The following LCLAT1 variants were observed in gnomAD, a reference collection of about 807,000 sequenced individuals.
LCLAT1 encodes lysocardiolipin acyltransferase 1.
In LCLAT1, 11 loss-of-function variants were observed where a neutral mutation model predicts 30.7. That is an observed-to-expected ratio of 0.36 (90% CI 0.23 to 0.59). The LOEUF is 0.59. Among genes scored for constraint, LCLAT1 ranks in the 20% least tolerant of loss-of-function variants. The pLI is 0.77. For synonymous variants in LCLAT1, 155 were observed against 151.3 expected (o/e 1.02, Z -0.18); for missense variants, 402 against 458.6 (o/e 0.88, Z 1.13).
chr2:30,513,428 G>A (rs1347969879), intron 1 of LCLAT1, among the ~76,000 whole-genome samples: 1 of 152,124 alleles, frequency 6.6e-6, no homozygotes, highest in East Asian at 1.9e-4. Flanking sequence ...TGCAAGAAGT[G>A]CAACTTTAGT....
intron 1 of LCLAT1, among the ~76,000 whole-genome samples, chr2:30,508,813 G>C (rs74546270): frequency 6.6e-6 from 1 of 151,930 alleles, no homozygotes; most frequent in East Asian, 1.9e-4. Flanking sequence ...GAATGTCATT[G>C]GTTGTTTAAT....
At position 30,557,283 on chromosome 2, in the gene LCLAT1, CGTGTGTGTGTGT is replaced by C. The variant is rs373793652; in HGVS notation, c.365-4830_365-4819del. Among the ~76,000 whole-genome samples the C allele has an allele frequency of 5.4e-4, 75 of 138,644 alleles. 1 individual carries two copies. Among genetic ancestry groups the C allele is most frequent in the East Asian group, 4.0e-3 (19 of 4,778 alleles). 91.0% of individuals were successfully genotyped at this position (138,644 alleles called of 152,430 possible). A position where few individuals can be genotyped will look rare whatever the true frequency, so the allele number is the denominator to read the frequency against. ...TGTAGGACAGTGTAGAAGGTATGAT[CGTGTGTGTGTGT>C]GTGTGTGTGTGTGTGTGTGTGTGTG... On this transcript the variant is annotated intron_variant, in intron 3 of 5. Transcript: ENST00000379509.
At chr2:30,553,643 G>A (rs189156680) in intron 3 of LCLAT1, among the ~76,000 whole-genome samples, 1 of 151,582 alleles carries the variant, frequency 6.6e-6, no homozygotes, top group Non-Finnish European at 1.5e-5. Flanking sequence ...GTGAAACCCC[G>A]TCTCTACTAA....
chr2:30,487,160 A>C (rs950919239), intron 1 of LCLAT1, among the ~76,000 whole-genome samples: 15 of 152,208 alleles, frequency 9.9e-5, no homozygotes, highest in Admixed American at 2.0e-4. Context: ...CTTTGGAAGA[A>C]AGTGACTTTG....
intron 3 of LCLAT1, among the ~76,000 whole-genome samples, chr2:30,542,762 G>C (rs1323812386): frequency 6.6e-6 from 1 of 151,916 alleles, no homozygotes. Context: ...ATGCTATTTT[G>C]GAGTTGTTTT....
At chr2:30,545,270 A>G (rs1162594475) in intron 3 of LCLAT1, among the ~76,000 whole-genome samples, 5 of 152,186 alleles carry the variant, frequency 3.3e-5, no homozygotes, top group African/African-American at 1.2e-4. Context: ...GGTCAACTAT[A>G]TACTGTTTGA....
chr2:30,586,841 G>A (rs1666464631), intron 5 of LCLAT1, among the ~76,000 whole-genome samples: 1 of 151,948 alleles, frequency 6.6e-6, no homozygotes, highest in African/African-American at 2.4e-5. Context: ...AGGAAAAAAA[G>A]ACTTAAAAAA....
At chr2:30,511,551 A>G (rs926447766) in intron 1 of LCLAT1, among the ~76,000 whole-genome samples, 2 of 152,248 alleles carry the variant, frequency 1.3e-5, no homozygotes, top group African/African-American at 4.8e-5. Context: ...ACTAGGGAAC[A>G]TTTCCATCAT....
At chr2:30,497,656 C>G (rs1684183921) in intron 1 of LCLAT1, among the ~76,000 whole-genome samples, 3 of 152,114 alleles carry the variant, frequency 2.0e-5, no homozygotes, top group Admixed American at 2.0e-4. Flanking sequence ...TGAATAGTTA[C>G]TTTTAAAACT....
At chr2:30,540,536 A>G (rs1420861658) in intron 3 of LCLAT1, among the ~76,000 whole-genome samples, 2 of 152,232 alleles carry the variant, frequency 1.3e-5, no homozygotes, top group Non-Finnish European at 2.9e-5. Context: ...TTATATGTCA[A>G]ACAACAGTAT....
chr2:30,527,894 T>C (rs1373785993), intron 2 of LCLAT1, among the ~76,000 whole-genome samples: 3 of 152,208 alleles, frequency 2.0e-5, no homozygotes, highest in African/African-American at 4.8e-5. Context: ...ATTCAAAATA[T>C]AGTGGCTCCA....
intron 5 of LCLAT1, among the ~76,000 whole-genome samples, chr2:30,588,427 A>G (rs533070981): frequency 2.0e-5 from 3 of 152,320 alleles, no homozygotes; most frequent in African/African-American, 7.2e-5. Flanking sequence ...CATATCATTC[A>G]TGCACATACA....
intron 3 of LCLAT1, chr2:30,552,459 A>AT (rs1376789249): frequency 4.8e-6 from 2 of 415,872 alleles, no homozygotes; most frequent in Non-Finnish European, 9.8e-6. Flanking sequence ...ACTTGCTCAT[A>AT]TTTTATACTT....
chr2:30,543,972 T>C (rs1232876000), intron 3 of LCLAT1, among the ~76,000 whole-genome samples: 1 of 152,226 alleles, frequency 6.6e-6, no homozygotes, highest in East Asian at 1.9e-4. Flanking sequence ...TTTTAGTTTC[T>C]TAACATAGAA....
intron 2 of LCLAT1, 41 bp from the exon 3 acceptor site, chr2:30,533,075 T>C (rs774706121): frequency 1.5e-5 from 22 of 1,422,466 alleles, no homozygotes; most frequent in Admixed American, 5.0e-5. Context: ...CTATGGAAAA[T>C]CATAACTTTA....
At chr2:30,579,274 G>A (rs7355456) in intron 5 of LCLAT1, among the ~76,000 whole-genome samples, 19,260 of 152,104 alleles carry the variant, frequency 0.13, 1,346 homozygotes, top group South Asian at 0.23. Context: ...AACATGTTAC[G>A]AGAAGCTTGC....
intron 5 of LCLAT1, among the ~76,000 whole-genome samples, chr2:30,620,384 G>A (rs1194088323): frequency 6.6e-6 from 1 of 152,078 alleles, no homozygotes; most frequent in African/African-American, 2.4e-5. Flanking sequence ...GTATTCTTAG[G>A]CTACTAGAGT....
In LCLAT1 at chr2:30,641,278, G is replaced by C. The variant is rs561487161; in HGVS notation, c.*659G>C. 1 of 152,314 alleles carries C rather than the reference G, an allele frequency of 6.6e-6. No individual in the cohort carries two copies. Among genetic ancestry groups the C allele is most frequent in the African/African-American group, 2.4e-5 (1 of 41,554 alleles). 9.4% of individuals were successfully genotyped at this position (152,314 alleles called of 1,614,324 possible). ...AACCTGGACTCAGGGAGCAACCACA[G>C]GCTCTCCACTTTGAAACTTTAGTTT... is the stretch of plus-strand genomic sequence containing the variant. On this transcript the variant is annotated 3_prime_UTR_variant, in exon 6 of 6. Transcript: ENST00000379509.
chr2:30,505,519 T>C (rs1297388122), intron 1 of LCLAT1, among the ~76,000 whole-genome samples: 1 of 152,156 alleles, frequency 6.6e-6, no homozygotes, highest in Non-Finnish European at 1.5e-5. Flanking sequence ...AATTATTTTA[T>C]GCATGTAACA....
Sources: gnomAD v4.1 joint callset for allele counts (sites outside exome capture counted in the v4.1 genomes callset) on GRCh38, gnomAD v4.1.1 for gene constraint, MANE v1.5 for transcripts, NCBI Gene and HGNC (gene_info 2026-07-23, HGNC 2026-07-21) for gene names.